Variants in MAGI1 observed in about 807,000 individuals in gnomAD.
MAGI1 encodes the protein membrane-associated guanylate kinase, WW and PDZ domain-containing protein 1.
A neutral mutation model predicts 139.9 loss-of-function variants in MAGI1; 58 were observed. The observed-to-expected ratio is 0.41, with a 90% CI of 0.34 to 0.52. The LOEUF is 0.52. MAGI1 is among the 20% of genes least tolerant of loss of function. The pLI is 0.12. For synonymous variants in MAGI1, 812 were observed against 737.9 expected (o/e 1.10, Z -1.63); for missense variants, 1,874 against 1,901.6 (o/e 0.99, Z 0.27).
intron 1 of MAGI1, among the ~76,000 whole-genome samples, chr3:65,991,494 A>G (rs969462397): frequency 6.6e-6 from 1 of 152,124 alleles, no homozygotes; most frequent in Non-Finnish European, 1.5e-5. Context: ...CCTAGGTGAC[A>G]GAACCAGACG....
At chr3:65,448,135 C>G in intron 6 of MAGI1, 78 bp from the exon 7 acceptor site, 1 of 1,323,326 alleles carries the variant, frequency 7.6e-7, no homozygotes, top group Non-Finnish European at 1.1e-6. Flanking sequence ...GAAAGGAAAT[C>G]TCCTCAGGAA....
Position 65,957,282 on chromosome 3 carries a change from G to A in MAGI1, c.313+80714C>T, listed in dbSNP as rs540174960. Among the ~76,000 whole-genome samples the A allele has an allele frequency of 9.5e-5, 14 of 147,242 alleles. No homozygotes were observed. The South Asian group carries it at 3.0e-3, about 32-fold the overall frequency. ...ATAATACAGTACTTTGGGAGGCGTCGATGGGTAGATCACTTGAGGCCAGGA... is the reference window on the plus strand; with the variant it reads ...ATAATACAGTACTTTGGGAGGCGTCAATGGGTAGATCACTTGAGGCCAGGA... On this transcript the variant is annotated intron_variant, in intron 1 of 22. Coordinates refer to ENST00000402939, the MANE Select transcript of MAGI1 (RefSeq NM_001033057.2).
At chr3:65,430,250 T>C in intron 11 of MAGI1, 110 bp from the exon 12 acceptor site, 1 of 1,111,542 alleles carries the variant, frequency 9.0e-7, no homozygotes. Context: ...CATGTGGGTG[T>C]GATACTATAG....
intron 1 of MAGI1, among the ~76,000 whole-genome samples, chr3:65,694,319 T>C (rs549859829): frequency 7.4e-4 from 113 of 152,152 alleles, no homozygotes; most frequent in Non-Finnish European, 1.3e-3. Context: ...GCAAATCACT[T>C]AATGTTTCCA....
chr3:65,680,319 C>A (rs145074750), intron 1 of MAGI1, among the ~76,000 whole-genome samples: 279 of 152,312 alleles, frequency 1.8e-3, no homozygotes, highest in African/African-American at 6.4e-3. Flanking sequence ...TCCTTTTGAT[C>A]TGTCTCTGAT....
intron 1 of MAGI1, among the ~76,000 whole-genome samples, chr3:65,726,486 A>G (rs748677168): frequency 6.6e-6 from 1 of 152,206 alleles, no homozygotes; most frequent in Non-Finnish European, 1.5e-5. Flanking sequence ...CAAGGCAGGC[A>G]TATATTGCCC....
intron 1 of MAGI1, among the ~76,000 whole-genome samples, chr3:65,650,508 T>C (rs2085518891): frequency 6.6e-6 from 1 of 152,148 alleles, no homozygotes; most frequent in South Asian, 2.1e-4. Flanking sequence ...TCCAGGGAAT[T>C]ATACTGAATG....
chr3:65,870,696 T>C (rs1302120157), intron 1 of MAGI1, among the ~76,000 whole-genome samples: 1 of 141,630 alleles, frequency 7.1e-6, no homozygotes, highest in Non-Finnish European at 1.5e-5. Context: ...CTGTTCATAG[T>C]GGGATTTTAC....
chr3:65,869,039 G>A (rs897406019), intron 1 of MAGI1, among the ~76,000 whole-genome samples: 5 of 151,856 alleles, frequency 3.3e-5, no homozygotes, highest in East Asian at 2.0e-4. Context: ...AGGCCGAGGC[G>A]GGCGGATCAC....
At chr3:65,626,222 A>C (rs917139943) in intron 1 of MAGI1, among the ~76,000 whole-genome samples, 7 of 152,236 alleles carry the variant, frequency 4.6e-5, no homozygotes, top group African/African-American at 1.7e-4. Context: ...TTTCAGATAC[A>C]GTAACTTTTT....
At chr3:65,734,705 G>C (rs2034560186) in intron 1 of MAGI1, among the ~76,000 whole-genome samples, 1 of 152,044 alleles carries the variant, frequency 6.6e-6, no homozygotes, top group Non-Finnish European at 1.5e-5. Flanking sequence ...GACTGCTGAA[G>C]ATTCCTGAAG....
intron 1 of MAGI1, among the ~76,000 whole-genome samples, chr3:65,991,677 C>G (rs1422531998): frequency 1.3e-5 from 2 of 152,144 alleles, no homozygotes; most frequent in African/African-American, 2.4e-5. Flanking sequence ...AGATATCTTT[C>G]TTGCTTAGAC....
chr3:65,653,748 C>T (rs142272383), intron 1 of MAGI1, among the ~76,000 whole-genome samples: 1 of 152,252 alleles, frequency 6.6e-6, no homozygotes, highest in East Asian at 1.9e-4. Flanking sequence ...TTAAATCTAG[C>T]AGGGTTGTGA....
intron 2 of MAGI1, among the ~76,000 whole-genome samples, chr3:65,553,152 T>G (rs1298622917): frequency 1.3e-5 from 2 of 152,306 alleles, no homozygotes; most frequent in South Asian, 2.1e-4. Context: ...GTTGGTTTTT[T>G]TTTTTGAGCC....
intron 2 of MAGI1, among the ~76,000 whole-genome samples, chr3:65,620,800 C>T (rs946649468): frequency 2.0e-5 from 3 of 152,174 alleles, no homozygotes; most frequent in African/African-American, 7.2e-5. Flanking sequence ...TTGCAGCAAA[C>T]CTCTTCTCCT....
chr3:65,369,512 CTT>C (rs759624135), intron 18 of MAGI1, among the ~76,000 whole-genome samples: 1 of 142,392 alleles, frequency 7.0e-6, no homozygotes, highest in Non-Finnish European at 1.5e-5. Flanking sequence ...GTGATGGATT[CTT>C]TTTTTTTTTT....
At chr3:65,510,120 A>C (rs956310847) in intron 2 of MAGI1, among the ~76,000 whole-genome samples, 8 of 152,192 alleles carry the variant, frequency 5.3e-5, no homozygotes, top group African/African-American at 1.9e-4. Flanking sequence ...AAACTAACAA[A>C]CAGAAAGGAC....
At chr3:65,848,377 CT>C (rs1397874835) in intron 1 of MAGI1, among the ~76,000 whole-genome samples, 1 of 152,152 alleles carries the variant, frequency 6.6e-6, no homozygotes, top group Non-Finnish European at 1.5e-5. Context: ...ACATCGATAT[CT>C]GATGGCCTGA....
intron 2 of MAGI1, among the ~76,000 whole-genome samples, chr3:65,607,044 C>A (rs60744394): frequency 2.6e-5 from 4 of 151,950 alleles, no homozygotes; most frequent in Non-Finnish European, 5.9e-5. Flanking sequence ...CAATAACTGC[C>A]TAAGTCCCTA....
Sources: allele counts gnomAD v4.1 joint callset (sites outside exome capture counted in the v4.1 genomes callset), GRCh38; gene constraint gnomAD v4.1.1; transcripts MANE v1.5; gene names NCBI Gene and HGNC (gene_info 2026-07-23, HGNC 2026-07-21).